The following TRIML1 variants were observed in gnomAD, a reference collection of about 807,000 sequenced individuals.
The protein encoded by TRIML1 is tripartite motif family like 1.
In TRIML1, 34 loss-of-function variants were observed where a neutral mutation model predicts 32.3. The ratio of observed to expected loss-of-function variants is 1.05; its 90% CI spans 0.80 to 1.40. The LOEUF (loss-of-function observed/expected upper bound fraction) is 1.40. Ranked by LOEUF, TRIML1 falls within the 40% of genes most tolerant of loss-of-function variation. TRIML1 has a pLI of 0.00. For missense variants in TRIML1, 595 were observed against 574.9 expected (o/e 1.03, Z -0.36); for synonymous variants, 244 against 226.6 (o/e 1.08, Z -0.69).
chr4:188,140,558 C>T lies in TRIML1; in HGVS notation c.439C>T (p.Arg147Cys), dbSNP rs766822406. The change falls in exon 2 of 6, where the codon CGT (arginine) becomes TGT (cysteine). Residue 147 changes from arginine (R) to cysteine (C), a missense_variant. Arg to Cys is a radical substitution (Grantham distance 180). Coordinates refer to ENST00000332517, the MANE Select transcript of TRIML1 (RefSeq NM_178556.5). The stretch of plus-strand genomic sequence containing the variant: ...ACTCCAGGAAATCCTGAATCTTTTG[C>T]GTGTAAGGAGAAAGGAAGCTCAGGC... Reference protein sequence around the residue: ...EKLQEILNLLRVRRKEAQAVL... With the variant: ...EKLQEILNLLCVRRKEAQAVL... 1.4e-5 allele frequency: 23 copies of T among 1,613,680 alleles called. No homozygotes were observed. In the Admixed American group the frequency reaches 3.0e-4, roughly 21 times the overall value.
intron 3 of TRIML1, 103 bp downstream of exon 3, chr4:188,142,585 T>C (rs1734904421): frequency 2.2e-6 from 2 of 926,736 alleles, no homozygotes; most frequent in Admixed American, 2.9e-5. Context: ...AAAACTAAGT[T>C]CTGGTCCAAA....
At chr4:188,140,433 T>C in intron 1 of TRIML1, 95 bp from the exon 2 acceptor site, 3 of 995,696 alleles carry the variant, frequency 3.0e-6, no homozygotes, top group Non-Finnish European at 4.7e-6. Flanking sequence ...GCCCTTTGTT[T>C]TAGAGGCCTA....
chr4:188,141,507 T>C (rs1020893495), intron 2 of TRIML1, among the ~76,000 whole-genome samples: 1 of 152,114 alleles, frequency 6.6e-6, no homozygotes, highest in African/African-American at 2.4e-5. Context: ...GCCATGTATG[T>C]TTCTGTTCCT....
chr4:188,149,345 G>A (rs75654428), downstream of TRIML1, among the ~76,000 whole-genome samples: 1,168 of 152,194 alleles, frequency 7.7e-3, 6 homozygotes, highest in Middle Eastern at 0.014. Flanking sequence ...CAAGACAGTG[G>A]ATACGATTTA....
At chr4:188,144,397 CCG>C (rs1349248643) in intron 5 of TRIML1, among the ~76,000 whole-genome samples, 13 of 149,774 alleles carry the variant, frequency 8.7e-5, no homozygotes, top group South Asian at 2.1e-4. Flanking sequence ...GAGTCTCACT[CCG>C]TGTCCCGGGC....
downstream of TRIML1, among the ~76,000 whole-genome samples, chr4:188,150,065 A>C (rs1034833713): frequency 6.6e-6 from 1 of 151,802 alleles, no homozygotes; most frequent in South Asian, 2.1e-4. Context: ...CAGCCTCCCA[A>C]AGTGTTGAGA....
intron 5 of TRIML1, among the ~76,000 whole-genome samples, chr4:188,144,562 C>T (rs1457171450): frequency 6.9e-6 from 1 of 145,034 alleles, no homozygotes; most frequent in Non-Finnish European, 1.5e-5. Flanking sequence ...CGGGGTTTCA[C>T]TGTGTTAGCC....
At chr4:188,138,561 A>C (rs558260321), upstream of TRIML1, among the ~76,000 whole-genome samples, 97 of 152,150 alleles carry the variant, frequency 6.4e-4, 1 homozygote, top group South Asian at 0.019. Context: ...ATTTGTTACC[A>C]ATCTCGGAGT....
intron 1 of TRIML1, 56 bp from the exon 2 acceptor site, chr4:188,140,472 C>A: frequency 1.4e-6 from 2 of 1,418,128 alleles, no homozygotes; most frequent in Non-Finnish European, 2.0e-6. Flanking sequence ...TCTTCAAAGC[C>A]CCTTCATGAC....
rs1735135429 is a variant in TRIML1 at position 188,147,522 on chromosome 4, T to A, written c.*150T>A. The A allele has an allele frequency of 1.8e-6, 1 of 546,834 alleles. No individual in the cohort carries two copies. Among genetic ancestry groups the A allele is most frequent in the African/African-American group, 1.9e-5 (1 of 51,928 alleles). The allele number at this position is 546,834 out of a possible 1,614,324, so 33.9% of individuals were successfully genotyped here. ...CCCCCAAGAGTTTCCATTAACTTGA[T>A]CCCATTATGAACAGCCACATTACAC... On this transcript the variant is annotated 3_prime_UTR_variant, in exon 6 of 6. Transcript: ENST00000332517.
intron 1 of TRIML1, 118 bp from the exon 2 acceptor site, chr4:188,140,410 C>A: frequency 1.3e-6 from 1 of 771,744 alleles, no homozygotes; most frequent in Non-Finnish European, 2.2e-6. Flanking sequence ...GCGTGAGGCG[C>A]CGCACCCAGC....
chr4:188,142,259 CAA>C lies in TRIML1; in HGVS notation c.514_515del (p.Lys172AspfsTer3). On this transcript the variant is annotated frameshift_variant, in exon 3 of 6. Transcript: ENST00000332517. LOFTEE classifies it high-confidence loss of function. ...GTGTGTGTGTTTTGGCAGGAAGAAA[CAA>C]AGACTTGTAAACAGGTTGTTGTGTC... 6.3e-7 allele frequency: 1 copy of C among 1,596,538 alleles called. No homozygotes were observed. The highest frequency in any genetic ancestry group is 8.5e-7 in the Non-Finnish European group (1 of 1,172,004).
At chr4:188,148,575 G>A (rs944851160), downstream of TRIML1, among the ~76,000 whole-genome samples, 2 of 151,988 alleles carry the variant, frequency 1.3e-5, no homozygotes, top group Non-Finnish European at 2.9e-5. Context: ...CATTAGGCTC[G>A]CTGTCTTTAG....
chr4:188,139,836 G>C lies in TRIML1; in HGVS notation c.278G>C (p.Gly93Ala), dbSNP rs914391345. The stretch of plus-strand genomic sequence containing the variant: ...GTGCTGCAGAGCGAGGATGAGCAGG[G>C]CAGCTACGGGAGGATGCCCACCACT... Reference protein sequence around the residue: ...SQVLQSEDEQGSYGRMPTTAK... With the variant: ...SQVLQSEDEQASYGRMPTTAK... Residue 93 changes from glycine to alanine, a missense_variant, in exon 1 of 6, where the codon GGC becomes GCC. Transcript: ENST00000332517. 3.7e-6 allele frequency: 6 copies of C among 1,613,770 alleles called. No homozygotes were observed. The Admixed American group carries it at 6.7e-5, about 18-fold the overall frequency.
chr4:188,150,755 T>C (rs902087389), downstream of TRIML1, among the ~76,000 whole-genome samples: 2 of 151,430 alleles, frequency 1.3e-5, no homozygotes, highest in Non-Finnish European at 2.9e-5. Context: ...ACACAGGGCC[T>C]GCCACTGATG....
chr4:188,148,901 CTTTTTTTTTTTTTT>C (rs34415263), downstream of TRIML1, among the ~76,000 whole-genome samples: 1 of 63,784 alleles, frequency 1.6e-5, no homozygotes, highest in Non-Finnish European at 2.8e-5. Context: ...CGTGCCCAGG[CTTTTTTTTTTTTTT>C]TTTTTTTTTT....
At chr4:188,139,419 A>G (rs779427780), upstream of TRIML1, 22 of 802,226 alleles carry the variant, frequency 2.7e-5, no homozygotes, top group Non-Finnish European at 4.3e-5. Flanking sequence ...GAAATCAGGC[A>G]CAGAAGAGAT....
At chr4:188,137,295 C>CTTT (rs67050879), upstream of TRIML1, among the ~76,000 whole-genome samples, 283 of 58,784 alleles carry the variant, frequency 4.8e-3, 5 homozygotes, top group African/African-American at 9.9e-3. Flanking sequence ...TTATTGTAGT[C>CTTT]TTTTTTTTTT....
At chr4:188,144,422 GC>G (rs1477583010) in intron 5 of TRIML1, among the ~76,000 whole-genome samples, 49 of 150,724 alleles carry the variant, frequency 3.3e-4, no homozygotes, top group African/African-American at 1.1e-3. Context: ...GAGCGCAGGG[GC>G]GCGATCTCGG....
Sources: allele counts gnomAD v4.1 joint callset (sites outside exome capture counted in the v4.1 genomes callset), GRCh38; gene constraint gnomAD v4.1.1; transcripts MANE v1.5; gene names NCBI Gene and HGNC (gene_info 2026-07-23, HGNC 2026-07-21).